The following TG variants were observed in gnomAD, a reference collection of about 807,000 sequenced individuals.
The protein encoded by TG is thyroglobulin, also known as thyroid hormones.
A neutral mutation model predicts 324.7 loss-of-function variants in TG; 270 were observed. The observed-to-expected ratio is 0.83, with a 90% CI of 0.75 to 0.92. The LOEUF (loss-of-function observed/expected upper bound fraction) is 0.92, where lower values mean the gene tolerates loss of function less well. Among genes scored for constraint, TG ranks in the 40% least tolerant of loss-of-function variants. The pLI is 0.00. For missense variants in TG, 3,591 were observed against 3,456.4 expected (o/e 1.04, Z -0.98); for synonymous variants, 1,401 against 1,327.0 (o/e 1.06, Z -1.21).
At chr8:133,009,293 C>T (rs1834288543) in intron 35 of TG, among the ~76,000 whole-genome samples, 1 of 152,102 alleles carries the variant, frequency 6.6e-6, no homozygotes, top group African/African-American at 2.4e-5. Context: ...AAAAATGCCC[C>T]TTATATTGAC....
intron 35 of TG, chr8:133,002,543 T>C (rs970739007): frequency 2.1e-6 from 1 of 471,240 alleles, no homozygotes; most frequent in Non-Finnish European, 2.8e-6. Context: ...GACATCACAC[T>C]TCTACTCAAT....
At chr8:132,969,031 G>C (rs1210098164) in intron 31 of TG, among the ~76,000 whole-genome samples, 1 of 152,110 alleles carries the variant, frequency 6.6e-6, no homozygotes, top group Admixed American at 6.6e-5. Context: ...GGAGAGGAGA[G>C]CATCTAGAGG....
At chr8:133,029,695 C>A in intron 40 of TG, 126 bp from the exon 41 acceptor site, 2 of 1,130,902 alleles carry the variant, frequency 1.8e-6, no homozygotes, top group Non-Finnish European at 1.3e-6. Context: ...ACAGTCTCTA[C>A]CTGTGAGGAC....
intron 41 of TG, among the ~76,000 whole-genome samples, chr8:133,053,226 T>A (rs1447771262): frequency 6.6e-6 from 1 of 152,148 alleles, no homozygotes; most frequent in Non-Finnish European, 1.5e-5. Flanking sequence ...CCCCTAAGAT[T>A]TTCCTCTGAA....
At chr8:132,930,525 A>G (rs1348776067) in intron 23 of TG, among the ~76,000 whole-genome samples, 2 of 152,116 alleles carry the variant, frequency 1.3e-5, no homozygotes, top group African/African-American at 2.4e-5. Context: ...TACTAAAAAT[A>G]CAAAAAATTA....
At chr8:133,053,414 G>A (rs915800772) in intron 41 of TG, among the ~76,000 whole-genome samples, 40 of 152,158 alleles carry the variant, frequency 2.6e-4, no homozygotes, top group African/African-American at 8.9e-4. Context: ...TGTGCAGAGC[G>A]GTCCCTGTGC....
intron 34 of TG, among the ~76,000 whole-genome samples, 174 bp from the exon 35 acceptor site, chr8:132,983,176 T>C (rs1445890126): frequency 6.6e-6 from 1 of 152,082 alleles, no homozygotes; most frequent in Non-Finnish European, 1.5e-5. Context: ...TATGTTGAGA[T>C]TGTTTGTTAG....
chr8:133,120,507 C>T (rs888095951), intron 45 of TG, among the ~76,000 whole-genome samples: 1 of 152,166 alleles, frequency 6.6e-6, no homozygotes, highest in African/African-American at 2.4e-5. Flanking sequence ...AGCATGCTCC[C>T]CCTGTAGGTG....
intron 43 of TG, among the ~76,000 whole-genome samples, chr8:133,097,340 G>T (rs554178529): frequency 6.6e-6 from 1 of 152,316 alleles, no homozygotes; most frequent in South Asian, 2.1e-4. Context: ...ATATATACAA[G>T]AGTATTTATT....
At position 132,957,742 on chromosome 8, in the gene TG, TACAC is replaced by T. The variant is rs6150825; in HGVS notation, c.5402-3227_5402-3224del. The stretch of plus-strand genomic sequence containing the variant: ...ATTCCCCAGTGATTTCATGGTAAAC[TACAC>T]ACACACACACACACACACACACACA... On this transcript the variant is annotated intron_variant, in intron 27 of 47. Transcript: ENST00000220616. 7.2e-3 allele frequency among the ~76,000 whole-genome samples: 299 copies of T among 41,564 alleles called. 1 individual carries two copies. The highest frequency in any genetic ancestry group is 0.03 in the East Asian group (25 of 834). The allele number at this position is 41,564 out of a possible 152,430, so 27.3% of individuals were successfully genotyped here.
At chr8:133,022,737 A>G (rs1449776141) in intron 40 of TG, among the ~76,000 whole-genome samples, 1 of 152,114 alleles carries the variant, frequency 6.6e-6, no homozygotes, top group Admixed American at 6.5e-5. Context: ...CCCTGGACCA[A>G]CCTAAACATC....
Position 132,868,214 on chromosome 8 carries a change from G to C in TG, c.167G>C (p.Gly56Ala). The C allele has an allele frequency of 6.2e-7, 1 of 1,613,980 alleles. No homozygotes were observed. The highest frequency in any genetic ancestry group is 8.5e-7 in the Non-Finnish European group (1 of 1,179,978). Reference protein sequence around the residue: ...ADYVPQCAEDGSFQTVQCQND... With the variant: ...ADYVPQCAEDASFQTVQCQND... ...TACGTGCCCCAGTGTGCAGAGGATG[G>C]CAGCTTCCAGTAAGGCTTATGTCAG... The change falls in exon 2 of 48, where the codon GGC becomes GCC. Residue 56 changes from glycine (G) to alanine (A), a missense_variant. By Grantham distance (60) the Gly-to-Ala change is moderately conservative. Coordinates refer to ENST00000220616, the MANE Select transcript of TG (RefSeq NM_003235.5).
rs373022048 is a variant in TG, at chr8:133,001,485, A to G, written c.6263-10416A>G. Among the ~76,000 whole-genome samples, 17 of 152,348 alleles carry G rather than the reference A, an allele frequency of 1.1e-4. 1 individual carries two copies. The highest frequency in any genetic ancestry group is 3.8e-4 in the African/African-American group (16 of 41,584). On this transcript the variant is annotated intron_variant, in intron 35 of 47. Coordinates refer to ENST00000220616, the MANE Select transcript of TG (RefSeq NM_003235.5). ...AGCTCTCCTCCCATTTTCATTCTGCAAATAACCACAACATTACAAGGATGT... is the reference window on the plus strand; with the variant it reads ...AGCTCTCCTCCCATTTTCATTCTGCGAATAACCACAACATTACAAGGATGT...
At chr8:132,935,154 C>CAA (rs1823390954) in intron 24 of TG, among the ~76,000 whole-genome samples, 1 of 88,888 alleles carries the variant, frequency 1.1e-5, no homozygotes, top group South Asian at 3.8e-4. Flanking sequence ...TTTTTTTTTT[C>CAA]TTTTGAGACA....
intron 27 of TG, among the ~76,000 whole-genome samples, chr8:132,959,602 A>G (rs1327447266): frequency 2.0e-5 from 3 of 152,214 alleles, no homozygotes; most frequent in Non-Finnish European, 2.9e-5. Flanking sequence ...ATTTCTCAGA[A>G]CATATTCTGG....
chr8:133,107,569 G>A lies in TG; in HGVS notation c.7573-5853G>A, dbSNP rs140841443. On this transcript the variant is annotated intron_variant, in intron 43 of 47. Transcript: ENST00000220616. ...CAATGGCATCTGTGCTCGGGGCCTC[G>A]CCAATCATGAAGGAATGTGTGTCCC... is the stretch of plus-strand genomic sequence containing the variant. Among the ~76,000 whole-genome samples, 19 of 152,256 alleles carry A rather than the reference G, an allele frequency of 1.2e-4. No individual in the cohort carries two copies. In the East Asian group the frequency reaches 3.7e-3, roughly 29 times the overall value.
intron 35 of TG, among the ~76,000 whole-genome samples, chr8:132,990,556 A>G (rs575889239): frequency 2.2e-5 from 3 of 136,912 alleles, no homozygotes; most frequent in South Asian, 4.7e-4. Context: ...CACACCCTTA[A>G]CTAACCTCCC....
chr8:133,026,675 C>T (rs760921785), intron 40 of TG, among the ~76,000 whole-genome samples: 28 of 152,228 alleles, frequency 1.8e-4, no homozygotes, highest in Non-Finnish European at 3.5e-4. Context: ...ACAGAAGGTC[C>T]GGCTGCCAAC....
chr8:132,989,870 C>A (rs1015693126), intron 35 of TG, among the ~76,000 whole-genome samples: 3 of 152,130 alleles, frequency 2.0e-5, no homozygotes, highest in African/African-American at 7.2e-5. Flanking sequence ...TTGAGGTCCA[C>A]CTGGGCAGCT....
Sources: allele counts gnomAD v4.1 joint callset (sites outside exome capture counted in the v4.1 genomes callset), GRCh38; gene constraint gnomAD v4.1.1; transcripts MANE v1.5; gene names NCBI Gene and HGNC (gene_info 2026-07-23, HGNC 2026-07-21).